The following KIF11 variants were observed in gnomAD, a reference collection of about 807,000 sequenced individuals.
KIF11 encodes the protein kinesin-like protein KIF11.
In KIF11, 9 loss-of-function variants were observed where a neutral mutation model predicts 121.0. That is an observed-to-expected ratio of 0.07 (90% CI 0.04 to 0.13). The LOEUF is 0.13. Ranked by LOEUF, KIF11 falls within the 10% of genes least tolerant of loss-of-function variation. KIF11 has a pLI of 1.00. For synonymous variants in KIF11, 408 were observed against 421.0 expected (o/e 0.97, Z 0.38); for missense variants, 846 against 1,217.5 (o/e 0.69, Z 4.54).
At chr10:92,606,742 T>C (rs1844434795) in intron 3 of KIF11, 26 bp downstream of exon 3, 1 of 1,102,932 alleles carries the variant, frequency 9.1e-7, no homozygotes, top group Non-Finnish European at 1.4e-6. Flanking sequence ...TTTTTTCTGA[T>C]TTATGAAAAA....
At chr10:92,639,932 C>A in intron 17 of KIF11, 32 bp downstream of exon 17, 1 of 1,125,550 alleles carries the variant, frequency 8.9e-7, no homozygotes, top group Non-Finnish European at 1.3e-6. Flanking sequence ...TTAAACTTTT[C>A]TGTAAGTCTG....
At chr10:92,629,678 A>G (rs151300859) in intron 11 of KIF11, among the ~76,000 whole-genome samples, 1 of 152,180 alleles carries the variant, frequency 6.6e-6, no homozygotes, top group East Asian at 1.9e-4. Context: ...CAGTGGTGTA[A>G]TCATATCTTA....
At chr10:92,639,340 C>A (rs1844840190) in intron 16 of KIF11, among the ~76,000 whole-genome samples, 1 of 152,114 alleles carries the variant, frequency 6.6e-6, no homozygotes, top group Non-Finnish European at 1.5e-5. Context: ...GTAATCTCAG[C>A]ACTTTGAGAG....
rs1427747435 is a variant in KIF11, at chr10:92,653,801, C to T, written c.*5C>T. 3 of 1,595,722 alleles carry T rather than the reference C, an allele frequency of 1.9e-6. No individual in the cohort carries two copies. The highest frequency in any genetic ancestry group is 4.5e-5 in the East Asian group (2 of 44,818). ...CGAGCCCAGATCAACCTTTAATTCA[C>T]TTGGGGGTTGGCAATTTTATTTTTA... On this transcript the variant is annotated 3_prime_UTR_variant, in exon 22 of 22. Transcript: ENST00000260731.
intron 21 of KIF11, among the ~76,000 whole-genome samples, chr10:92,653,046 CAAATA>C (rs1002578651): frequency 1.3e-5 from 2 of 152,212 alleles, no homozygotes; most frequent in Admixed American, 1.3e-4. Flanking sequence ...ATAGGTTTTA[CAAATA>C]AAATAAAATA....
At chr10:92,610,566 T>C (rs1844485039) in intron 6 of KIF11, among the ~76,000 whole-genome samples, 1 of 152,162 alleles carries the variant, frequency 6.6e-6, no homozygotes, top group Non-Finnish European at 1.5e-5. Flanking sequence ...TCTTTAAACC[T>C]CAGAATGTAA....
At chr10:92,633,212 T>G (rs1844758209) in intron 13 of KIF11, among the ~76,000 whole-genome samples, 1 of 152,082 alleles carries the variant, frequency 6.6e-6, no homozygotes, top group African/African-American at 2.4e-5. Flanking sequence ...AATTTGGACA[T>G]TCAGAAATAT....
chr10:92,646,826 ATCTG>A (rs1844925825), intron 18 of KIF11, among the ~76,000 whole-genome samples: 1 of 152,216 alleles, frequency 6.6e-6, no homozygotes, highest in Non-Finnish European at 1.5e-5. Context: ...TTTAGCATCC[ATCTG>A]TCTTTCCTAA....
At chr10:92,593,710 G>T (rs1188953446) in intron 1 of KIF11, among the ~76,000 whole-genome samples, 1 of 152,164 alleles carries the variant, frequency 6.6e-6, no homozygotes, top group Non-Finnish European at 1.5e-5. Context: ...AAAGATGTAG[G>T]TGTCACTTTT....
At chr10:92,651,988 A>G (rs1305553428) in intron 21 of KIF11, among the ~76,000 whole-genome samples, 1 of 120,730 alleles carries the variant, frequency 8.3e-6, no homozygotes, top group Admixed American at 9.7e-5. Flanking sequence ...TTTTTTAAAT[A>G]TATATAGAGA....
At chr10:92,597,707 A>G (rs1040231849) in intron 1 of KIF11, among the ~76,000 whole-genome samples, 3 of 151,690 alleles carry the variant, frequency 2.0e-5, no homozygotes, top group African/African-American at 7.3e-5. Flanking sequence ...GCTGGAGTGC[A>G]TTGGTACGAT....
In KIF11 at chr10:92,620,622, G is replaced by A. The variant is rs2135909392; in HGVS notation, c.1129-763G>A. 1.3e-5 allele frequency among the ~76,000 whole-genome samples: 2 copies of A among 152,270 alleles called. 1 individual carries two copies. Among genetic ancestry groups the A allele is most frequent in the South Asian group, 4.1e-4 (2 of 4,820 alleles). On this transcript the variant is annotated intron_variant, in intron 9 of 21. Transcript: ENST00000260731. ...CTGATAAAGACATACCCGAGACTGG[G>A]CAATTTACAAAAGAAAGAGGTTTAT...
chr10:92,611,658 G>A (rs918924315), intron 6 of KIF11, among the ~76,000 whole-genome samples: 7 of 152,006 alleles, frequency 4.6e-5, no homozygotes, highest in South Asian at 2.1e-4. Context: ...CAGCACTTTC[G>A]GAGGCCAAGG....
At position 92,630,258 on chromosome 10, in the gene KIF11, C is replaced by G. The variant is rs1190528675; in HGVS notation, c.1388C>G (p.Thr463Ser). 1.9e-6 allele frequency: 3 copies of G among 1,609,390 alleles called. No individual in the cohort carries two copies. The African/African-American group carries it at 4.0e-5, about 22-fold the overall frequency. Residue 463 changes from threonine (T) to serine (S), a missense_variant, in exon 12 of 22, where the codon ACC becomes AGC. Transcript: ENST00000260731. ...CAAAATAAAACACAAGAACTTGAAA[C>G]CACTCAAAAACATTTGCAAGAAACT... ...DLQNKTQELE[T>S]TQKHLQETKL...
At chr10:92,650,111 T>G in intron 20 of KIF11, 125 bp downstream of exon 20, 2 of 695,696 alleles carry the variant, frequency 2.9e-6, no homozygotes, top group Non-Finnish European at 4.8e-6. Flanking sequence ...ATGATAGGCC[T>G]AGCCCTTAGG....
At chr10:92,600,863 CT>C (rs1844361494) in intron 1 of KIF11, among the ~76,000 whole-genome samples, 1 of 151,868 alleles carries the variant, frequency 6.6e-6, no homozygotes, top group Non-Finnish European at 1.5e-5. Context: ...CCTTTTCTTT[CT>C]TTTTTTCTTT....
intron 21 of KIF11, among the ~76,000 whole-genome samples, chr10:92,651,340 T>C (rs1370065311): frequency 6.6e-6 from 1 of 150,950 alleles, no homozygotes; most frequent in Non-Finnish European, 1.5e-5. Context: ...CTACCCACTT[T>C]TTTTTTTCTT....
At chr10:92,618,684 C>T (rs982254562) in intron 9 of KIF11, among the ~76,000 whole-genome samples, 1 of 151,150 alleles carries the variant, frequency 6.6e-6, no homozygotes, top group Non-Finnish European at 1.5e-5. Context: ...ACAGAGAAAT[C>T]CTTTGTACAT....
At chr10:92,619,074 T>G (rs1005732249) in intron 9 of KIF11, among the ~76,000 whole-genome samples, 2 of 152,292 alleles carry the variant, frequency 1.3e-5, no homozygotes, top group East Asian at 1.9e-4. Flanking sequence ...TGGAGTGCAG[T>G]GGTGCGATCT....
Sources: gnomAD v4.1 joint callset for allele counts (sites outside exome capture counted in the v4.1 genomes callset) on GRCh38, gnomAD v4.1.1 for gene constraint, MANE v1.5 for transcripts, NCBI Gene and HGNC (gene_info 2026-07-23, HGNC 2026-07-21) for gene names.